The following FAF1 variants were observed in gnomAD, a reference collection of about 807,000 sequenced individuals.
FAF1 encodes FAS-associated factor 1.
In FAF1, 25 loss-of-function variants were observed where a neutral mutation model predicts 92.5. The ratio of observed to expected loss-of-function variants is 0.27; its 90% CI spans 0.20 to 0.38. The LOEUF (loss-of-function observed/expected upper bound fraction) is 0.38, where lower values mean the gene tolerates loss of function less well. Among genes scored for constraint, FAF1 ranks in the 10% least tolerant of loss-of-function variants. The probability of loss-of-function intolerance (pLI) is 1.00; values close to 1 mark genes in which losing one functional copy is unlikely to be tolerated. For missense variants in FAF1, 636 were observed against 793.3 expected (o/e 0.80, Z 2.38); for synonymous variants, 234 against 273.2 (o/e 0.86, Z 1.42).
chr1:50,460,371 T>A (rs1214607353), intron 18 of FAF1, among the ~76,000 whole-genome samples: 1 of 152,308 alleles, frequency 6.6e-6, no homozygotes, highest in Middle Eastern at 3.4e-3. Context: ...TTTTTGTTAG[T>A]GATTTTCCTG....
intron 3 of FAF1, among the ~76,000 whole-genome samples, chr1:50,789,552 G>C (rs899306791): frequency 6.6e-6 from 1 of 152,026 alleles, no homozygotes; most frequent in African/African-American, 2.4e-5. Context: ...TTTTGTATAA[G>C]TCATCCACCT....
intron 1 of FAF1, among the ~76,000 whole-genome samples, chr1:50,956,194 G>A (rs1331794578): frequency 1.3e-5 from 2 of 151,924 alleles, no homozygotes. Context: ...ACAGATTGGG[G>A]GAGGATTTTC....
At chr1:50,462,028 TTATA>T (rs2148989317) in intron 18 of FAF1, among the ~76,000 whole-genome samples, 1 of 147,944 alleles carries the variant, frequency 6.8e-6, no homozygotes, top group Non-Finnish European at 1.5e-5. Context: ...ATTTTATATA[TTATA>T]TTATATATTA....
rs937343450 is a variant in FAF1, at chr1:50,739,064, T to A, written c.460-110A>T. 1.7e-4 allele frequency: 118 copies of A among 697,672 alleles called. 4 individuals carry two copies. The South Asian group carries it at 2.3e-3, about 13-fold the overall frequency. The allele number at this position is 697,672 out of a possible 1,614,324, so 43.2% of individuals were successfully genotyped here. ...TAATTTTGTAGTTTTTTTTATCTTT[T>A]GATAATTTCCTAAATAGGGTAATGC... On this transcript the variant is annotated intron_variant, in intron 5 of 18. Coordinates refer to ENST00000396153, the MANE Select transcript of FAF1 (RefSeq NM_007051.3).
chr1:50,594,038 C>T (rs550670810), intron 9 of FAF1, among the ~76,000 whole-genome samples: 3 of 152,200 alleles, frequency 2.0e-5, no homozygotes, highest in Non-Finnish European at 4.4e-5. Context: ...TAAGGCCAGG[C>T]GTGGTGGCTC....
chr1:50,629,408 A>T (rs1036042262), intron 8 of FAF1, among the ~76,000 whole-genome samples: 3 of 152,086 alleles, frequency 2.0e-5, no homozygotes, highest in Non-Finnish European at 4.4e-5. Context: ...ACCTCAAGTG[A>T]TCTGCCTGCC....
At chr1:50,954,198 C>T (rs1213343713) in intron 1 of FAF1, among the ~76,000 whole-genome samples, 3 of 152,154 alleles carry the variant, frequency 2.0e-5, no homozygotes, top group Non-Finnish European at 2.9e-5. Context: ...CCACCTGCCT[C>T]AGCCTCCCAA....
Position 50,711,463 on chromosome 1 carries a change from CTTT to C in FAF1, c.552-5575_552-5573del, listed in dbSNP as rs1160668174. Among the ~76,000 whole-genome samples, 183 of 81,940 alleles carry C rather than the reference CTTT, an allele frequency of 2.2e-3. 1 individual carries two copies. Among genetic ancestry groups the C allele is most frequent in the African/African-American group, 8.3e-3 (161 of 19,512 alleles). 53.8% of individuals were successfully genotyped at this position (81,940 alleles called of 152,430 possible). On this transcript the variant is annotated intron_variant, in intron 6 of 18. Coordinates refer to ENST00000396153, the MANE Select transcript of FAF1 (RefSeq NM_007051.3). ...TTGTGCCTAATGTTATCCACACTGA[CTTT>C]TTTTTTTTTTTTTTTTTTTTTGAGA...
intron 7 of FAF1, among the ~76,000 whole-genome samples, chr1:50,666,737 G>T (rs2124327982): frequency 6.6e-6 from 1 of 152,146 alleles, no homozygotes; most frequent in African/African-American, 2.4e-5. Flanking sequence ...ACAAAACTTA[G>T]CCAGGCATGG....
intron 18 of FAF1, among the ~76,000 whole-genome samples, chr1:50,455,038 C>A (rs1032349477): frequency 3.3e-5 from 5 of 152,234 alleles, no homozygotes; most frequent in Non-Finnish European, 5.9e-5. Context: ...CATCCTCAGA[C>A]CTCTTCCCCC....
intron 8 of FAF1, among the ~76,000 whole-genome samples, chr1:50,610,150 A>G (rs1354435653): frequency 6.6e-6 from 1 of 152,238 alleles, no homozygotes; most frequent in Non-Finnish European, 1.5e-5. Flanking sequence ...GTACTCCAAT[A>G]CAGTGGGGTT....
At chr1:50,683,510 G>A (rs1008781148) in intron 7 of FAF1, among the ~76,000 whole-genome samples, 1 of 149,292 alleles carries the variant, frequency 6.7e-6, no homozygotes, top group Non-Finnish European at 1.5e-5. Flanking sequence ...CTGGGTGACA[G>A]AGTGAGACCC....
At chr1:50,824,042 G>A (rs1335904881) in intron 2 of FAF1, among the ~76,000 whole-genome samples, 1 of 151,854 alleles carries the variant, frequency 6.6e-6, no homozygotes, top group African/African-American at 2.4e-5. Flanking sequence ...GACTAAATCT[G>A]GTAAAGAGAA....
chr1:50,459,400 T>G (rs574626468), intron 18 of FAF1, among the ~76,000 whole-genome samples: 3 of 152,208 alleles, frequency 2.0e-5, no homozygotes, highest in Non-Finnish European at 4.4e-5. Flanking sequence ...CTCTATTCTC[T>G]GCTAGAAAGT....
chr1:50,556,661 C>T (rs1229078547), intron 13 of FAF1, among the ~76,000 whole-genome samples: 2 of 151,726 alleles, frequency 1.3e-5, no homozygotes, highest in Non-Finnish European at 2.9e-5. Context: ...CATGGTGAGA[C>T]CCCGTGTCTA....
At chr1:50,626,551 A>G (rs1653506095) in intron 8 of FAF1, among the ~76,000 whole-genome samples, 1 of 152,184 alleles carries the variant, frequency 6.6e-6, no homozygotes, top group Admixed American at 6.5e-5. Context: ...AAGAGGCAAT[A>G]AAATATAAGA....
At chr1:50,490,710 T>C (rs375028879) in intron 16 of FAF1, 45 bp from the exon 17 acceptor site, 120 of 1,138,010 alleles carry the variant, frequency 1.1e-4, no homozygotes, top group Non-Finnish European at 1.5e-4. Context: ...CACATACTTG[T>C]TTACAAAGAA....
intron 7 of FAF1, among the ~76,000 whole-genome samples, chr1:50,694,060 A>G (rs566245962): frequency 6.6e-6 from 1 of 152,158 alleles, no homozygotes; most frequent in African/African-American, 2.4e-5. Flanking sequence ...TATGACATAT[A>G]TATGACATAT....
intron 7 of FAF1, among the ~76,000 whole-genome samples, chr1:50,681,128 C>T (rs949406793): frequency 1.3e-5 from 2 of 152,140 alleles, no homozygotes; most frequent in Non-Finnish European, 2.9e-5. Context: ...CTCACTGCAA[C>T]CTCCGCCTCC....
Sources: allele counts gnomAD v4.1 joint callset (sites outside exome capture counted in the v4.1 genomes callset), GRCh38; gene constraint gnomAD v4.1.1; transcripts MANE v1.5; gene names NCBI Gene and HGNC (gene_info 2026-07-23, HGNC 2026-07-21).